STX8: variants seen among roughly 807,000 people sequenced by gnomAD.
STX8 encodes the protein syntaxin 8.
A neutral mutation model predicts 37.5 loss-of-function variants in STX8; 23 were observed. The observed-to-expected ratio is 0.61, with a 90% CI of 0.44 to 0.87. The LOEUF is 0.87. STX8 is among the 40% of genes least tolerant of loss of function. The pLI, the probability that STX8 is intolerant of heterozygous loss-of-function variation, is 0.00. For missense variants in STX8, 313 were observed against 284.7 expected (o/e 1.10, Z -0.71); for synonymous variants, 115 against 99.1 (o/e 1.16, Z -0.95).
At chr17:9,533,359 T>C (rs1247118442) in intron 4 of STX8, among the ~76,000 whole-genome samples, 1 of 152,116 alleles carries the variant, frequency 6.6e-6, no homozygotes, top group East Asian at 1.9e-4. Context: ...TCCCAGCTAC[T>C]TGGGAGCTGA....
At chr17:9,456,188 G>C (rs917485098) in intron 6 of STX8, among the ~76,000 whole-genome samples, 1 of 152,132 alleles carries the variant, frequency 6.6e-6, no homozygotes, top group Non-Finnish European at 1.5e-5. Context: ...CCACGGAAAT[G>C]AATTACTTTT....
intron 6 of STX8, among the ~76,000 whole-genome samples, chr17:9,482,584 T>G (rs193285273): frequency 6.6e-6 from 1 of 152,310 alleles, no homozygotes. Flanking sequence ...GAGAGGCTTC[T>G]GATAGTGACT....
intron 3 of STX8, among the ~76,000 whole-genome samples, chr17:9,546,603 T>TTTG (rs917344792): frequency 1.5e-5 from 2 of 130,918 alleles, no homozygotes; most frequent in African/African-American, 3.0e-5. Flanking sequence ...TTTTTTTTTT[T>TTTG]TTTTTTTTTT....
At chr17:9,358,927 G>T (rs1296662637) in intron 7 of STX8, among the ~76,000 whole-genome samples, 2 of 152,184 alleles carry the variant, frequency 1.3e-5, no homozygotes, top group East Asian at 1.9e-4. Flanking sequence ...GAACATTATG[G>T]CTGTATTTGA....
In STX8 at chr17:9,392,196, T is replaced by C. The variant is rs560514006; in HGVS notation, c.542-13543A>G. The stretch of plus-strand genomic sequence containing the variant: ...GTCTCATAAAATAATAATCAAAATG[T>C]CCAGGATACAACGCAAAATTTTGCA... On this transcript the variant is annotated intron_variant, in intron 6 of 7. Transcript: ENST00000306357. Among the ~76,000 whole-genome samples, 3 of 152,270 alleles carry C rather than the reference T, an allele frequency of 2.0e-5. No individual in the cohort carries two copies. In the East Asian group the frequency reaches 5.8e-4, roughly 29 times the overall value.
chr17:9,376,213 T>C (rs1036695495), intron 7 of STX8, among the ~76,000 whole-genome samples: 3 of 152,074 alleles, frequency 2.0e-5, no homozygotes, highest in Non-Finnish European at 4.4e-5. Context: ...GCTCTGTGTC[T>C]CGCTAAAGGT....
chr17:9,543,847 A>G (rs1906384326), intron 4 of STX8, among the ~76,000 whole-genome samples: 1 of 152,192 alleles, frequency 6.6e-6, no homozygotes, highest in Admixed American at 6.5e-5. Flanking sequence ...TCTTCACAGA[A>G]GCAACTTAAC....
rs77183690 is a variant in STX8, at chr17:9,378,599, T to C, written c.596A>G (p.Asn199Ser). Residue 199 changes from asparagine (N) to serine (S), a missense_variant, in exon 7 of 8, where the codon AAT becomes AGT. Transcript: ENST00000306357. ...CACCATGTTTACCCGCCTGGTTTCA[T>C]TGCGAAGTTTTTCATCTGTGTTCTC... is the stretch of plus-strand genomic sequence containing the variant. ...LVENTDEKLR[N>S]ETRRVNMVDR... 19 of 1,613,766 alleles carry C rather than the reference T, an allele frequency of 1.2e-5. No homozygotes were observed. The East Asian group carries it at 2.2e-4, about 19-fold the overall frequency.
At chr17:9,282,494 C>T (rs908317795) in intron 7 of STX8, among the ~76,000 whole-genome samples, 8 of 152,166 alleles carry the variant, frequency 5.3e-5, no homozygotes, top group African/African-American at 1.9e-4. Flanking sequence ...TTTCTTCATT[C>T]ATTATTCCTT....
Position 9,366,600 on chromosome 17 carries a change from T to C in STX8, c.643+11952A>G, listed in dbSNP as rs372369050. Among the ~76,000 whole-genome samples the C allele has an allele frequency of 1.2e-4, 18 of 152,322 alleles. No individual in the cohort carries two copies. The South Asian group carries it at 1.5e-3, about 12-fold the overall frequency. On this transcript the variant is annotated intron_variant, in intron 7 of 7. Transcript: ENST00000306357. Reference sequence around the variant, plus strand: ...GCTTCACCACTATGCTATATACGTATGTAAGAAGTCTGCACTTGCAGTCTG... The same window carrying C: ...GCTTCACCACTATGCTATATACGTACGTAAGAAGTCTGCACTTGCAGTCTG...
intron 7 of STX8, among the ~76,000 whole-genome samples, chr17:9,268,706 A>T (rs1392378819): frequency 6.6e-6 from 1 of 152,158 alleles, no homozygotes; most frequent in Non-Finnish European, 1.5e-5. Context: ...TCAGAGCCAG[A>T]ACTGGTGCTC....
At chr17:9,336,444 T>C (rs1339812490) in intron 7 of STX8, among the ~76,000 whole-genome samples, 1 of 151,762 alleles carries the variant, frequency 6.6e-6, no homozygotes, top group Non-Finnish European at 1.5e-5. Flanking sequence ...TCCTTCCTTC[T>C]TTCTTTCTTG....
chr17:9,330,336 G>A (rs1171806438), intron 7 of STX8, among the ~76,000 whole-genome samples: 1 of 152,196 alleles, frequency 6.6e-6, no homozygotes, highest in South Asian at 2.1e-4. Flanking sequence ...AAGGTTACAA[G>A]AACAGCGACC....
Position 9,512,865 on chromosome 17 carries a change from A to G in STX8, c.324-7703T>C, listed in dbSNP as rs561946824. Among the ~76,000 whole-genome samples the G allele has an allele frequency of 2.0e-5, 3 of 152,334 alleles. No homozygotes were observed. In the East Asian group the frequency reaches 5.8e-4, roughly 29 times the overall value. On this transcript the variant is annotated intron_variant, in intron 4 of 7. Transcript: ENST00000306357. Reference sequence around the variant, plus strand: ...ACCTGGACACCCATCTATCACCCTAAGGAAAAAATCAACTCAAAATGATTC... The same window carrying G: ...ACCTGGACACCCATCTATCACCCTAGGGAAAAAATCAACTCAAAATGATTC...
At chr17:9,488,028 A>G (rs1213538249) in intron 6 of STX8, among the ~76,000 whole-genome samples, 2 of 152,150 alleles carry the variant, frequency 1.3e-5, no homozygotes. Context: ...TTCACTTGGT[A>G]TAAAATTACT....
chr17:9,413,801 C>T (rs1357593171), intron 6 of STX8, among the ~76,000 whole-genome samples: 2 of 152,096 alleles, frequency 1.3e-5, no homozygotes, highest in Admixed American at 6.5e-5. Flanking sequence ...GGGCTGTGCT[C>T]GTGTATACCT....
intron 1 of STX8, chr17:9,569,818 G>C (rs926576693): frequency 1.3e-5 from 2 of 152,204 alleles, no homozygotes; most frequent in South Asian, 2.1e-4. Flanking sequence ...ATGGTGGCGG[G>C]TGCCTGTAAT....
chr17:9,421,898 G>A (rs1399727672), intron 6 of STX8, among the ~76,000 whole-genome samples: 1 of 152,002 alleles, frequency 6.6e-6, no homozygotes, highest in Non-Finnish European at 1.5e-5. Flanking sequence ...GTTCTCACAA[G>A]ATCTGGTGGT....
At chr17:9,281,464 G>A (rs1207022916) in intron 7 of STX8, among the ~76,000 whole-genome samples, 1 of 152,010 alleles carries the variant, frequency 6.6e-6, no homozygotes, top group Non-Finnish European at 1.5e-5. Flanking sequence ...ATTGCTGCGA[G>A]CAAGTTTTGA....
Sources: gnomAD v4.1 joint callset for allele counts (sites outside exome capture counted in the v4.1 genomes callset) on GRCh38, gnomAD v4.1.1 for gene constraint, MANE v1.5 for transcripts, NCBI Gene and HGNC (gene_info 2026-07-23, HGNC 2026-07-21) for gene names.